ADAMTS13: variants seen among roughly 807,000 people sequenced by gnomAD.
ADAMTS13 encodes A disintegrin and metalloproteinase with thrombospondin motifs 13.
ADAMTS13 carries 110 observed loss-of-function variants against 155.1 expected under a neutral mutation model. That is an observed-to-expected ratio of 0.71 (90% CI 0.61 to 0.83). ADAMTS13 has a LOEUF of 0.83. Ranked by LOEUF, ADAMTS13 falls within the 40% of genes least tolerant of loss-of-function variation. The pLI, the probability that ADAMTS13 is intolerant of heterozygous loss-of-function variation, is 0.00. For missense variants in ADAMTS13, 1,707 were observed against 1,891.7 expected, an observed-to-expected ratio of 0.90 and a Z score of 1.81; for synonymous variants, 758 against 756.4, an observed-to-expected ratio of 1.00 and a Z score of -0.03.
intron 7 of ADAMTS13, among the ~76,000 whole-genome samples, chr9:133,429,353 C>G (rs1840546417): frequency 6.9e-6 from 1 of 145,194 alleles, no homozygotes; most frequent in Non-Finnish European, 1.5e-5. Context: ...TCTGGGCACG[C>G]ACCCCTCCGT....
Position 133,440,784 on chromosome 9 carries a change from A to G in ADAMTS13, c.1968+259A>G, listed in dbSNP as rs1841613423. 6.6e-6 allele frequency among the ~76,000 whole-genome samples: 1 copy of G among 152,108 alleles called. No homozygotes were observed. Among genetic ancestry groups the G allele is most frequent in the African/African-American group, 2.4e-5 (1 of 41,416 alleles). On this transcript the variant is annotated intron_variant, in intron 16 of 28. Coordinates refer to ENST00000355699, the MANE Select transcript of ADAMTS13 (RefSeq NM_139027.6). This position sits in a 1 kb window ranked among gnomAD's most constrained non-coding sequence, Gnocchi z 4.3. ...AGGCCCTGCAGTTCTGGGATCAGGT[A>G]AGGTTGGAGGGCCCAATGCAGGGGT... is the stretch of plus-strand genomic sequence containing the variant.
At chr9:133,430,892 C>T (rs1308639252) in intron 8 of ADAMTS13, among the ~76,000 whole-genome samples, 1 of 152,082 alleles carries the variant, frequency 6.6e-6, no homozygotes, top group Admixed American at 6.6e-5. Flanking sequence ...GATCTCCTGA[C>T]CTCGTGATCC....
chr9:133,415,163 G>T, intron 1 of ADAMTS13: 1 of 669,904 alleles, frequency 1.5e-6, no homozygotes, highest in Non-Finnish European at 2.4e-6. Flanking sequence ...TTTTCAAACG[G>T]TTTGGAAAAA....
chr9:133,434,951 G>C (rs1163171030), intron 11 of ADAMTS13, among the ~76,000 whole-genome samples: 1 of 152,236 alleles, frequency 6.6e-6, no homozygotes, highest in East Asian at 1.9e-4. Flanking sequence ...GTTGTAGCCT[G>C]TGTCAGCGCC....
Position 133,438,322 on chromosome 9 carries a change from C to T in ADAMTS13, c.1661C>T (p.Thr554Met), listed in dbSNP as rs782771879. The T allele has an allele frequency of 1.6e-5, 26 of 1,614,088 alleles. No homozygotes were observed. The highest frequency in any genetic ancestry group is 6.7e-5 in the Admixed American group (4 of 60,024). The change falls in exon 14 of 29, where the codon ACG becomes ATG. Residue 554 changes from threonine (T) to methionine (M), a missense_variant. Thr to Met is a moderately conservative substitution (Grantham distance 81). Coordinates refer to ENST00000355699, the MANE Select transcript of ADAMTS13 (RefSeq NM_139027.6). ...CAGGTGTGTGGTGGGGACAACAGCACGTGCAGCCCACGGAAGGGCTCTTTC... is the reference window on the plus strand; with the variant it reads ...CAGGTGTGTGGTGGGGACAACAGCATGTGCAGCCCACGGAAGGGCTCTTTC... ...RCQVCGGDNS[T>M]CSPRKGSFTA...
intron 24 of ADAMTS13, 24 bp from the exon 25 acceptor site, chr9:133,455,261 A>T: frequency 6.3e-7 from 1 of 1,598,140 alleles, no homozygotes; most frequent in Non-Finnish European, 8.5e-7. Context: ...GTCAGCTGTG[A>T]CTCCTCCTCC....
In ADAMTS13 at chr9:133,459,039, A is replaced by G. The variant is rs1842933379; in HGVS notation, c.3975A>G (p.Ser1325=). 2 of 1,613,088 alleles carry G rather than the reference A, an allele frequency of 1.2e-6. No individual in the cohort carries two copies. The highest frequency in any genetic ancestry group is 1.3e-5 in the African/African-American group (1 of 74,946). Reference sequence around the variant, plus strand: ...GGCAGCAGGTGCTCTACTGGGAGTCAGAGAGCAGCCAGGCTGAGATGGAGT... The same window carrying G: ...GGCAGCAGGTGCTCTACTGGGAGTCGGAGAGCAGCCAGGCTGAGATGGAGT... The part of the protein sequence containing the change: ...FHGQQVLYWE[S]ESSQAEMEFS... Residue 1325 remains serine, a synonymous_variant, in exon 29 of 29, where the codon TCA becomes TCG. Coordinates refer to ENST00000355699, the MANE Select transcript of ADAMTS13 (RefSeq NM_139027.6).
intron 23 of ADAMTS13, among the ~76,000 whole-genome samples, chr9:133,453,080 T>C (rs758991011): frequency 2.0e-5 from 3 of 151,894 alleles, no homozygotes; most frequent in African/African-American, 4.8e-5. Flanking sequence ...GGCGGGAGGA[T>C]TGCTTGAGCC....
In ADAMTS13 at chr9:133,440,288, T is replaced by G; in HGVS notation, c.1787-56T>G. 2 of 1,604,334 alleles carry G rather than the reference T, an allele frequency of 1.2e-6. No individual in the cohort carries two copies. The highest frequency in any genetic ancestry group is 8.5e-7 in the Non-Finnish European group (1 of 1,172,780). Reference sequence around the variant, plus strand: ...GGAAGGAGAGTCACTGACATGTGCCTGTGAGGAGGATGGGTGCTCAGCTCC... The same window carrying G: ...GGAAGGAGAGTCACTGACATGTGCCGGTGAGGAGGATGGGTGCTCAGCTCC... On this transcript the variant is annotated intron_variant, in intron 15 of 28. Transcript: ENST00000355699. This position sits in a 1 kb window ranked among gnomAD's most constrained non-coding sequence, Gnocchi z 4.3.
At chr9:133,429,650 C>T (rs1216499232) in intron 7 of ADAMTS13, 1 of 616,896 alleles carries the variant, frequency 1.6e-6, no homozygotes, top group East Asian at 3.1e-5. Flanking sequence ...CCCCTTCCCG[C>T]CGACCGCACC....
In ADAMTS13 at chr9:133,438,262, G is replaced by A. The variant is rs782003053; in HGVS notation, c.1601G>A (p.Gly534Asp). ...TTTGCATAGACATTTGGCTGTGATG[G>A]TAGGATGGACTCCCAGCAGGTATGG... Reference protein sequence around the residue: ...SGSCRTFGCDGRMDSQQVWDR... With the variant: ...SGSCRTFGCDDRMDSQQVWDR... The change falls in exon 14 of 29, where the codon GGT becomes GAT. Residue 534 changes from glycine (G) to aspartate (D), a missense_variant. By Grantham distance (94) the Gly-to-Asp change is moderately conservative. Transcript: ENST00000355699. 123 of 1,614,054 alleles carry A rather than the reference G, an allele frequency of 7.6e-5. No homozygotes were observed. The highest frequency in any genetic ancestry group is 5.3e-5 in the Non-Finnish European group (62 of 1,180,022).
At chr9:133,458,225 A>G in intron 28 of ADAMTS13, 131 bp downstream of exon 28, 1 of 1,112,812 alleles carries the variant, frequency 9.0e-7, no homozygotes, top group South Asian at 1.4e-5. Context: ...ATGGGAGAAG[A>G]TAGCTTCCTC....
At chr9:133,438,114 T>C in intron 13 of ADAMTS13, 132 bp from the exon 14 acceptor site, 2 of 1,527,862 alleles carry the variant, frequency 1.3e-6, no homozygotes, top group East Asian at 2.3e-5. Context: ...TTGCTTCCTG[T>C]GTAGATGGTG....
chr9:133,432,912 G>A (rs1840875711), intron 9 of ADAMTS13, among the ~76,000 whole-genome samples: 1 of 152,030 alleles, frequency 6.6e-6, no homozygotes, highest in East Asian at 1.9e-4. Flanking sequence ...TGTATGGGGG[G>A]TGCCCATGGG....
rs782394264 is a variant in ADAMTS13 at position 133,423,163 on chromosome 9, A to G, written c.168A>G (p.Leu56=). 9.3e-6 allele frequency: 15 copies of G among 1,613,484 alleles called. No individual in the cohort carries two copies. The highest frequency in any genetic ancestry group is 1.2e-5 in the Non-Finnish European group (14 of 1,179,842). ...VSSYLSPGAP[L]KGRPPSPGFQ... is the part of the protein sequence containing the mutation. ...CTTACTTGAGCCCTGGTGCTCCCTT[A>G]AAAGGTACTTGTCCTGGTGTCTTCT... The change falls in exon 2 of 29, where the codon TTA becomes TTG. Residue 56 remains leucine (L), a synonymous_variant. Transcript: ENST00000355699.
chr9:133,442,490 TGTGGGCCGCTGTGC>T lies in ADAMTS13; in HGVS notation c.2068_2081del (p.Ala690LeufsTer150), dbSNP rs1274055347. 1 of 1,613,536 alleles carries T rather than the reference TGTGGGCCGCTGTGC, an allele frequency of 6.2e-7. No individual in the cohort carries two copies. The highest frequency in any genetic ancestry group is 1.3e-5 in the African/African-American group (1 of 74,928). On this transcript the variant is annotated frameshift_variant, in exon 17 of 29. Transcript: ENST00000355699. LOFTEE classifies it high-confidence loss of function. ...CAGCCTAAGCCACGGCAGGCCTGGG[TGTGGGCCGCTGTGC>T]GTGGGCCCTGCTCGGTGAGCTGTGG...
chr9:133,427,722 C>T (rs1221961077), intron 6 of ADAMTS13, among the ~76,000 whole-genome samples: 1 of 152,200 alleles, frequency 6.6e-6, no homozygotes, highest in East Asian at 1.9e-4. Flanking sequence ...CTGTATACAG[C>T]ACAGCATAGC....
chr9:133,458,901 T>TG, intron 28 of ADAMTS13, 73 bp from the exon 29 acceptor site: 2 of 1,343,068 alleles, frequency 1.5e-6, no homozygotes, highest in Non-Finnish European at 2.1e-6. Context: ...TGTGAGCCCT[T>TG]GCACACGAAG....
chr9:133,448,567 T>C (rs1842222813), intron 21 of ADAMTS13, 32 bp from the exon 22 acceptor site: 1 of 1,606,356 alleles, frequency 6.2e-7, no homozygotes, highest in African/African-American at 1.3e-5. Context: ...GCCTGTCCCT[T>C]GGGGCTCTGG....
Sources: gnomAD v4.1 joint callset for allele counts (sites outside exome capture counted in the v4.1 genomes callset) on GRCh38, gnomAD v4.1.1 for gene constraint, Gnocchi (gnomAD v3.1) non-coding constraint, MANE v1.5 for transcripts, NCBI Gene and HGNC (gene_info 2026-07-23, HGNC 2026-07-21) for gene names.